Variants in TAB2 observed in about 807,000 individuals in gnomAD.
The protein encoded by TAB2 is TGF-beta activated kinase 1 (MAP3K7) binding protein 2.
A neutral mutation model predicts 65.0 loss-of-function variants in TAB2; 3 were observed. The observed-to-expected ratio is 0.05, with a 90% CI of 0.02 to 0.12. The LOEUF is 0.12. TAB2 is among the 10% of genes least tolerant of loss of function. The probability of loss-of-function intolerance (pLI) is 1.00; values close to 1 mark genes in which losing one functional copy is unlikely to be tolerated. For missense variants in TAB2, 623 were observed against 840.3 expected (o/e 0.74, Z 3.20); for synonymous variants, 298 against 285.1 (o/e 1.05, Z -0.46).
chr6:149,369,289 A>G (rs1226509206), intron 1 of TAB2, among the ~76,000 whole-genome samples: 2 of 152,182 alleles, frequency 1.3e-5, no homozygotes, highest in East Asian at 3.8e-4. Context: ...TTAAAACTCC[A>G]TATGCCCAGG....
At chr6:149,229,145 A>G (rs543386242) in intron 1 of TAB2, among the ~76,000 whole-genome samples, 7 of 152,360 alleles carry the variant, frequency 4.6e-5, no homozygotes, top group Admixed American at 3.3e-4. Context: ...TCCACGCAGA[A>G]ACAAAGCAAG....
chr6:149,333,554 T>C (rs1366610668), intron 1 of TAB2, among the ~76,000 whole-genome samples: 2 of 152,174 alleles, frequency 1.3e-5, no homozygotes, highest in African/African-American at 2.4e-5. Flanking sequence ...GGTAGATGTA[T>C]AGGCCAAGTT....
intron 1 of TAB2, among the ~76,000 whole-genome samples, chr6:149,245,921 G>T (rs534121510): frequency 4.6e-5 from 7 of 151,710 alleles, no homozygotes; most frequent in African/African-American, 1.7e-4. Flanking sequence ...TTATACAGTC[G>T]TTACTGGACT....
intron 1 of TAB2, among the ~76,000 whole-genome samples, chr6:149,360,094 G>GT (rs1298534050): frequency 2.0e-5 from 3 of 151,960 alleles, no homozygotes; most frequent in Non-Finnish European, 2.9e-5. Flanking sequence ...CAAAATTTTT[G>GT]TGCCAGTTTT....
intron 1 of TAB2, among the ~76,000 whole-genome samples, chr6:149,274,937 C>T (rs907437468): frequency 6.6e-6 from 1 of 152,106 alleles, no homozygotes. Flanking sequence ...CTCCACAAGA[C>T]CCCTGGACCC....
chr6:149,280,787 T>A (rs4897109), intron 1 of TAB2, among the ~76,000 whole-genome samples: 1 of 151,684 alleles, frequency 6.6e-6, no homozygotes, highest in African/African-American at 2.4e-5. Flanking sequence ...AAAAAATTAG[T>A]CAGGCCTGGT....
intron 1 of TAB2, among the ~76,000 whole-genome samples, chr6:149,342,365 C>T (rs564933140): frequency 1.3e-5 from 2 of 152,098 alleles, no homozygotes; most frequent in Non-Finnish European, 2.9e-5. Flanking sequence ...TTGTTTTTCT[C>T]TTTCTGTTAG....
intron 1 of TAB2, among the ~76,000 whole-genome samples, chr6:149,266,078 C>T (rs1554255018): frequency 6.6e-6 from 1 of 152,186 alleles, no homozygotes; most frequent in Non-Finnish European, 1.5e-5. Flanking sequence ...TATTAGCTTT[C>T]AGTATAAGTC....
intron 1 of TAB2, among the ~76,000 whole-genome samples, chr6:149,238,710 A>G (rs943288970): frequency 5.3e-5 from 8 of 152,206 alleles, no homozygotes; most frequent in African/African-American, 1.7e-4. Flanking sequence ...CTGAAGAGCA[A>G]AGCCTGCACA....
At chr6:149,328,505 G>A (rs1000527790) in intron 1 of TAB2, among the ~76,000 whole-genome samples, 1 of 152,110 alleles carries the variant, frequency 6.6e-6, no homozygotes, top group African/African-American at 2.4e-5. Flanking sequence ...TGTTAGCCAG[G>A]ATGGTCTCAA....
upstream of TAB2, among the ~76,000 whole-genome samples, chr6:149,316,801 T>A (rs1027768653): frequency 1.5e-4 from 23 of 152,262 alleles, no homozygotes; most frequent in African/African-American, 4.8e-4. Context: ...AGATTTCTTT[T>A]TTCCCCCTCA....
chr6:149,334,263 C>T (rs1779869455), intron 1 of TAB2, among the ~76,000 whole-genome samples: 1 of 152,102 alleles, frequency 6.6e-6, no homozygotes, highest in Admixed American at 6.6e-5. Context: ...GTGTCAGTGT[C>T]AGCACCTTCT....
rs146801782 is a variant in TAB2 at position 149,373,264 on chromosome 6, A to ACCG, written c.102+3166_102+3168dup. 5.0e-3 allele frequency among the ~76,000 whole-genome samples: 767 copies of ACCG among 152,278 alleles called. 6 individuals are homozygous for ACCG. Among genetic ancestry groups the ACCG allele is most frequent in the African/African-American group, 0.018 (746 of 41,544 alleles). On this transcript the variant is annotated intron_variant, in intron 2 of 6. Coordinates refer to ENST00000637181, the MANE Select transcript of TAB2 (RefSeq NM_001292034.3). ...CTTTGGTTTTTTAACTTAATTTTTT[A>ACCG]CCGTTTTTAAATTCTCTTAACATGA...
chr6:149,235,093 G>GCCA (rs1269877278), intron 1 of TAB2, among the ~76,000 whole-genome samples: 1 of 152,202 alleles, frequency 6.6e-6, no homozygotes, highest in Non-Finnish European at 1.5e-5. Context: ...TGCGCTCTGT[G>GCCA]CCACTCAATC....
intron 1 of TAB2, among the ~76,000 whole-genome samples, chr6:149,339,852 C>T (rs916667643): frequency 6.6e-6 from 1 of 152,122 alleles, no homozygotes; most frequent in African/African-American, 2.4e-5. Flanking sequence ...ATCCACCCGC[C>T]TCAGCCTCCC....
chr6:149,374,840 G>C (rs1781348873), intron 2 of TAB2, among the ~76,000 whole-genome samples: 2 of 152,122 alleles, frequency 1.3e-5, no homozygotes, highest in Admixed American at 1.3e-4. Flanking sequence ...CAGAATAGGG[G>C]AAATTCTACT....
intron 1 of TAB2, among the ~76,000 whole-genome samples, chr6:149,319,085 T>C (rs754691186): frequency 2.0e-5 from 3 of 152,150 alleles, no homozygotes; most frequent in Non-Finnish European, 2.9e-5. Context: ...ATTTTGTCTG[T>C]TTTAGGTAAG....
rs781717743 is a variant in TAB2 at position 149,218,769 on chromosome 6, G to C, written c.-128G>C. ...TATTCCTCCAAAGCAAACCAACTGA[G>C]AATGCAGGTAAGGCAGGAAACAGTC... On this transcript the variant is annotated 5_prime_UTR_variant, in exon 1 of 2. Transcript: ENST00000606202. The C allele has an allele frequency of 8.8e-6, 4 of 455,996 alleles. No homozygotes were observed. The Admixed American group carries it at 9.4e-5, about 11-fold the overall frequency. 28.2% of individuals were successfully genotyped at this position (455,996 alleles called of 1,614,324 possible).
intron 1 of TAB2, among the ~76,000 whole-genome samples, chr6:149,309,558 G>A (rs558920541): frequency 1.9e-4 from 29 of 151,990 alleles, no homozygotes; most frequent in Admixed American, 6.5e-4. Flanking sequence ...CACCACGCCC[G>A]GCTAATTTTT....
Sources: gnomAD v4.1 joint callset for allele counts (sites outside exome capture counted in the v4.1 genomes callset) on GRCh38, gnomAD v4.1.1 for gene constraint, MANE v1.5 for transcripts, NCBI Gene and HGNC (gene_info 2026-07-23, HGNC 2026-07-21) for gene names.